CX3CR1: variants seen among roughly 807,000 people sequenced by gnomAD.
The protein encoded by CX3CR1 is C-X3-C motif chemokine receptor 1, also known as CX3C chemokine receptor 1.
For synonymous variants in CX3CR1, 168 were observed against 178.5 expected (o/e 0.94, Z 0.47); for missense variants, 363 against 432.4 (o/e 0.84, Z 1.42).
At chr3:39,291,288 C>T in the CX3CR1 span, among the ~76,000 whole-genome samples, 3 of 152,064 alleles carry the variant, frequency 2.0e-5, no homozygotes, top group African/African-American at 7.2e-5. Flanking sequence ...AACTCCTGAC[C>T]TCAAGTGATC....
upstream of CX3CR1, among the ~76,000 whole-genome samples, chr3:39,280,813 C>A (rs982973896): frequency 6.6e-6 from 1 of 152,234 alleles, no homozygotes; most frequent in Non-Finnish European, 1.5e-5. Flanking sequence ...CTGGCCTGGC[C>A]AGCTTGGGGC....
chr3:39,292,192 C>G, the CX3CR1 span, among the ~76,000 whole-genome samples: 1 of 152,170 alleles, frequency 6.6e-6, no homozygotes, highest in Non-Finnish European at 1.5e-5. Context: ...GACCCTCAGC[C>G]CGGCAGCCTG....
the CX3CR1 span, among the ~76,000 whole-genome samples, chr3:39,290,721 A>G: frequency 3.3e-5 from 5 of 152,082 alleles, no homozygotes; most frequent in Admixed American, 2.0e-4. Flanking sequence ...GGAGTTTGAG[A>G]CCAGCCTGGC....
At chr3:39,280,253 A>G (rs2040880149), upstream of CX3CR1, 4 of 985,426 alleles carry the variant, frequency 4.1e-6, no homozygotes, top group African/African-American at 1.7e-5. Context: ...ACTTACCCCA[A>G]CCTGGAGGTG....
At chr3:39,282,004 G>A (rs555663590), upstream of CX3CR1, among the ~76,000 whole-genome samples, 1 of 152,324 alleles carries the variant, frequency 6.6e-6, no homozygotes, top group East Asian at 1.9e-4. Flanking sequence ...GTGAATGTGT[G>A]AGGGATGGGG....
chr3:39,290,527 C>T, the CX3CR1 span, among the ~76,000 whole-genome samples: 1 of 152,160 alleles, frequency 6.6e-6, no homozygotes, highest in Non-Finnish European at 1.5e-5. Context: ...AATAAAATCT[C>T]GGGACCTTCA....
At position 39,266,347 on chromosome 3, in the gene CX3CR1, C is replaced by T. The variant is rs750585901; in HGVS notation, c.163G>A (p.Ala55Thr). Residue 55 changes from alanine (A) to threonine (T), a missense_variant, in exon 2 of 2, where the codon GCC becomes ACC. Coordinates refer to ENST00000399220, the MANE Select transcript of CX3CR1 (RefSeq NM_001337.4). Reference sequence around the variant, plus strand: ...TTGGGCTTCTTGCTGTTGGTGAGGGCAAACACTACCAACAAATTTCCCACC... The same window carrying T: ...TTGGGCTTCTTGCTGTTGGTGAGGGTAAACACTACCAACAAATTTCCCACC... ...GLVGNLLVVF[A>T]LTNSKKPKSV... is the part of the protein sequence containing the mutation. 3.7e-6 allele frequency: 6 copies of T among 1,614,152 alleles called. No homozygotes were observed. In the East Asian group the frequency reaches 1.3e-4, roughly 36 times the overall value.
the CX3CR1 span, among the ~76,000 whole-genome samples, chr3:39,289,886 C>A: frequency 2.0e-5 from 3 of 152,160 alleles, no homozygotes; most frequent in Admixed American, 6.5e-5. Flanking sequence ...ATCAAGCCTG[C>A]TGACACCTTG....
rs773298308 is a variant in CX3CR1, at chr3:39,265,946, G to A, written c.564C>T (p.Pro188=). The change falls in exon 2 of 2, where the codon CCC becomes CCT. Residue 188 remains proline (P), a synonymous_variant. Transcript: ENST00000399220. ...DYPEVLQEIW[P]VLRNVETNFL... ...AATTTGTTTCCACATTGCGGAGCAC[G>A]GGCCAGATTTCCTGGAGGACCTCGG... is the stretch of plus-strand genomic sequence containing the variant. 38 of 1,614,036 alleles carry A rather than the reference G, an allele frequency of 2.4e-5. No homozygotes were observed. Among genetic ancestry groups the A allele is most frequent in the Admixed American group, 1.2e-4 (7 of 60,010 alleles).
At chr3:39,281,353 T>G (rs1575212476), upstream of CX3CR1, 8 of 718,080 alleles carry the variant, frequency 1.1e-5, no homozygotes, top group Admixed American at 1.0e-4. Context: ...TCTCCTGGGG[T>G]CCACTCAGCT....
chr3:39,277,393 G>C (rs1258670598), intron 1 of CX3CR1, among the ~76,000 whole-genome samples: 1 of 152,224 alleles, frequency 6.6e-6, no homozygotes, highest in Non-Finnish European at 1.5e-5. Flanking sequence ...TGCCTGGGCT[G>C]TGCTGCTAGG....
At chr3:39,292,779 A>G in the CX3CR1 span, among the ~76,000 whole-genome samples, 1 of 152,160 alleles carries the variant, frequency 6.6e-6, no homozygotes, top group Non-Finnish European at 1.5e-5. Flanking sequence ...CTGGAACCTG[A>G]ATTCTTACTT....
chr3:39,269,096 A>G (rs2040741327), intron 1 of CX3CR1, among the ~76,000 whole-genome samples: 1 of 151,920 alleles, frequency 6.6e-6, no homozygotes. Flanking sequence ...CTTTTACTAA[A>G]CTGTCAGGCT....
rs775318589 is a variant in CX3CR1 at position 39,266,510 on chromosome 3, G to A, written c.-1C>T. ...TCACTGATTCAGGGAACTGATCCAT[G>A]GTGAAGGCCTGGATCAGAAAGAAAA... is the stretch of plus-strand genomic sequence containing the variant. On this transcript the variant is annotated 5_prime_UTR_variant, in exon 2 of 2. Coordinates refer to ENST00000399220, the MANE Select transcript of CX3CR1 (RefSeq NM_001337.4). 2 of 1,613,628 alleles carry A rather than the reference G, an allele frequency of 1.2e-6. No homozygotes were observed. The highest frequency in any genetic ancestry group is 1.7e-6 in the Non-Finnish European group (2 of 1,179,524).
intron 1 of CX3CR1, among the ~76,000 whole-genome samples, chr3:39,269,561 A>T (rs2040750325): frequency 6.6e-6 from 1 of 152,250 alleles, no homozygotes; most frequent in African/African-American, 2.4e-5. Context: ...ATGCAAATTC[A>T]GATAATGCTC....
chr3:39,263,668 C>T lies in CX3CR1; in HGVS notation c.*1774G>A, dbSNP rs1192268892. 6.6e-6 allele frequency: 1 copy of T among 152,234 alleles called. No homozygotes were observed. The highest frequency in any genetic ancestry group is 1.5e-5 in the Non-Finnish European group (1 of 68,054). The allele number at this position is 152,234 out of a possible 1,614,324, so 9.4% of individuals were successfully genotyped here. The stretch of plus-strand genomic sequence containing the variant: ...AGCTATCAGATACACAGCAATTTAA[C>T]AGTTACCACATCTGACTTCAATGAA... On this transcript the variant is annotated 3_prime_UTR_variant, in exon 2 of 2. Transcript: ENST00000399220.
upstream of CX3CR1, among the ~76,000 whole-genome samples, chr3:39,282,892 T>G (rs2040916455): frequency 1.3e-5 from 2 of 151,984 alleles, no homozygotes; most frequent in Non-Finnish European, 2.9e-5. Context: ...GTGCTAATGT[T>G]TTTGTTTTTG....
At chr3:39,267,216 A>C (rs1575206769) in intron 1 of CX3CR1, among the ~76,000 whole-genome samples, 1 of 151,498 alleles carries the variant, frequency 6.6e-6, no homozygotes, top group East Asian at 1.9e-4. Flanking sequence ...GAGGGGGGTG[A>C]GATGGGGTGA....
At chr3:39,271,119 G>C (rs1383346696) in intron 1 of CX3CR1, among the ~76,000 whole-genome samples, 2 of 152,158 alleles carry the variant, frequency 1.3e-5, no homozygotes, top group Non-Finnish European at 2.9e-5. Context: ...CCTAAGAGAA[G>C]ACCCACGTCC....
Sources: allele counts gnomAD v4.1 joint callset (sites outside exome capture counted in the v4.1 genomes callset), GRCh38; gene constraint gnomAD v4.1.1; transcripts MANE v1.5; gene names NCBI Gene and HGNC (gene_info 2026-07-23, HGNC 2026-07-21).